Variants in MAML3 observed in about 807,000 individuals in gnomAD.
The protein encoded by MAML3 is mastermind like transcriptional coactivator 3, also known as mastermind-like protein 3.
Under a neutral mutation model 101.9 loss-of-function variants are expected in MAML3, and 27 were observed. That is an observed-to-expected ratio of 0.27 (90% confidence interval 0.20 to 0.37). The LOEUF is 0.37. Ranked by LOEUF, MAML3 falls within the 10% of genes least tolerant of loss-of-function variation. MAML3 has a pLI of 1.00. For missense variants in MAML3, 1,316 were observed against 1,444.9 expected, an observed-to-expected ratio of 0.91 and a Z score of 1.45; for synonymous variants, 501 against 555.9, an observed-to-expected ratio of 0.90 and a Z score of 1.39.
chr4:140,068,072 C>T (rs898315615), intron 1 of MAML3, among the ~76,000 whole-genome samples: 1 of 152,086 alleles, frequency 6.6e-6, no homozygotes, highest in Non-Finnish European at 1.5e-5. Flanking sequence ...ACAGAAAGGC[C>T]TTTTCTGACT....
chr4:139,995,478 G>A lies in MAML3; in HGVS notation c.469-104511C>T, dbSNP rs967887905. The stretch of plus-strand genomic sequence containing the variant: ...GAAGCCATCTGGGCCTGTGCTTTTC[G>A]GTGTGGGAAGATTTTTGAATACTAA... On this transcript the variant is annotated intron_variant, in intron 1 of 4. Transcript: ENST00000509479. Among the ~76,000 whole-genome samples, 15 of 152,116 alleles carry A rather than the reference G, an allele frequency of 9.9e-5. No homozygotes were observed. The East Asian group carries it at 1.5e-3, about 16-fold the overall frequency.
chr4:140,150,279 A>G (rs1036198198), intron 1 of MAML3, among the ~76,000 whole-genome samples: 1 of 152,176 alleles, frequency 6.6e-6, no homozygotes, highest in Non-Finnish European at 1.5e-5. Context: ...TCTATTTTCA[A>G]AAGTAAGCTG....
chr4:139,995,045 G>A (rs554249480), intron 1 of MAML3, among the ~76,000 whole-genome samples: 23 of 152,034 alleles, frequency 1.5e-4, no homozygotes, highest in Middle Eastern at 3.4e-3. Context: ...GTCCTTTATC[G>A]GGATGAGGAA....
intron 1 of MAML3, among the ~76,000 whole-genome samples, chr4:140,057,139 G>T (rs901247478): frequency 6.6e-6 from 1 of 152,202 alleles, no homozygotes; most frequent in Non-Finnish European, 1.5e-5. Flanking sequence ...AGCCAGGTGG[G>T]ATGGCATGCA....
At chr4:139,724,921 G>T (rs1343194904) in intron 4 of MAML3, among the ~76,000 whole-genome samples, 1 of 151,944 alleles carries the variant, frequency 6.6e-6, no homozygotes, top group Non-Finnish European at 1.5e-5. Flanking sequence ...ACCACTCCTG[G>T]CTAATTTTTT....
chr4:139,821,283 G>C (rs1032486537), intron 2 of MAML3, among the ~76,000 whole-genome samples: 1 of 152,212 alleles, frequency 6.6e-6, no homozygotes, highest in Non-Finnish European at 1.5e-5. Flanking sequence ...AGGTGGCACA[G>C]TAGGAGGTGA....
chr4:140,071,754 T>TGAGAGAGA (rs1328059871), intron 1 of MAML3, among the ~76,000 whole-genome samples: 1 of 66,736 alleles, frequency 1.5e-5, no homozygotes, highest in Non-Finnish European at 3.1e-5. Flanking sequence ...GGGACCAGGA[T>TGAGAGAGA]TAGAGAGAGA....
intron 1 of MAML3, among the ~76,000 whole-genome samples, chr4:140,022,426 T>G (rs879160405): frequency 6.6e-6 from 1 of 152,212 alleles, no homozygotes; most frequent in Admixed American, 6.5e-5. Flanking sequence ...GTAAGACTTC[T>G]CATTATTTGT....
rs1384096289 is a variant in MAML3 at position 139,730,398 on chromosome 4, C to T, written c.2331+18G>A. 20 of 1,546,158 alleles carry T rather than the reference C, an allele frequency of 1.3e-5. No homozygotes were observed. The highest frequency in any genetic ancestry group is 1.2e-4 in the Admixed American group (6 of 50,978). On this transcript the variant is annotated intron_variant, in intron 3 of 4. Transcript: ENST00000509479. ...GCTTGCTGAATGAATGAATGAATCA[C>T]GCCAAGGGGCATGTTACCTGTTCCG...
intron 2 of MAML3, among the ~76,000 whole-genome samples, chr4:139,816,227 G>A (rs956831308): frequency 1.3e-5 from 2 of 152,120 alleles, no homozygotes; most frequent in African/African-American, 2.4e-5. Flanking sequence ...CTGAGCGGAG[G>A]GGATGCAGAC....
At chr4:139,836,328 T>C (rs564357880) in intron 2 of MAML3, among the ~76,000 whole-genome samples, 2 of 152,032 alleles carry the variant, frequency 1.3e-5, no homozygotes, top group Non-Finnish European at 2.9e-5. Context: ...TGCCAGCTCA[T>C]CAGTAAATGA....
At position 139,725,763 on chromosome 4, in the gene MAML3, T is replaced by C; in HGVS notation, c.2404A>G (p.Asn802Asp). The C allele has an allele frequency of 6.2e-7, 1 of 1,613,966 alleles. No individual in the cohort carries two copies. The highest frequency in any genetic ancestry group is 8.5e-7 in the Non-Finnish European group (1 of 1,179,872). The part of the protein sequence containing the change: ...QRNPYPVQQV[N>D]QFQGSPQDIA... ...GCACTGGCCTCACCTTGAAACTGAT[T>C]GACCTGCTGCACTGGGTATGGATTC... Residue 802 changes from asparagine (N) to aspartate (D), a missense_variant, in exon 4 of 5, where the codon AAT becomes GAT. Asn to Asp is a conservative substitution (Grantham distance 23, BLOSUM62 1). Coordinates refer to ENST00000509479, the MANE Select transcript of MAML3 (RefSeq NM_018717.5).
chr4:139,997,840 GCTGA>G (rs1364074528), intron 1 of MAML3, among the ~76,000 whole-genome samples: 2 of 151,904 alleles, frequency 1.3e-5, no homozygotes, highest in Non-Finnish European at 2.9e-5. Context: ...AGAACTCTTA[GCTGA>G]TATCTTTTTC....
chr4:140,140,322 T>G (rs1053517364), intron 1 of MAML3, among the ~76,000 whole-genome samples: 7 of 151,540 alleles, frequency 4.6e-5, no homozygotes, highest in Non-Finnish European at 1.0e-4. Flanking sequence ...AGATTCCGTC[T>G]CAAAAAATAA....
chr4:139,913,321 A>AT lies in MAML3; in HGVS notation c.469-22355dup, dbSNP rs897469615. On this transcript the variant is annotated intron_variant, in intron 1 of 4. Transcript: ENST00000509479. ...TTTATTTCACCTAATTTGTCCCCTA[A>AT]TTTTTTTTTATGGATTATAATCCTA... Among the ~76,000 whole-genome samples, 40 of 151,626 alleles carry AT rather than the reference A, an allele frequency of 2.6e-4. No homozygotes were observed. In the East Asian group the frequency reaches 5.0e-3, roughly 19 times the overall value.
intron 2 of MAML3, among the ~76,000 whole-genome samples, chr4:139,834,158 G>A (rs1035677278): frequency 1.3e-5 from 2 of 152,178 alleles, no homozygotes; most frequent in Non-Finnish European, 2.9e-5. Context: ...ATCCAGCGTG[G>A]GTTTTAATAG....
At chr4:140,121,615 C>A (rs533128396) in intron 1 of MAML3, among the ~76,000 whole-genome samples, 1 of 152,202 alleles carries the variant, frequency 6.6e-6, no homozygotes, top group Non-Finnish European at 1.5e-5. Flanking sequence ...TACAGACATA[C>A]TTTGTTAACT....
intron 1 of MAML3, among the ~76,000 whole-genome samples, chr4:140,116,458 A>G (rs956650951): frequency 6.6e-6 from 1 of 152,228 alleles, no homozygotes; most frequent in African/African-American, 2.4e-5. Flanking sequence ...CCAGAAACCA[A>G]GACGGTGTCT....
At chr4:139,861,477 A>ATGTATGTGTG (rs1731784547) in intron 2 of MAML3, among the ~76,000 whole-genome samples, 2 of 146,394 alleles carry the variant, frequency 1.4e-5, no homozygotes, top group South Asian at 4.5e-4. Context: ...TAACCAGCCG[A>ATGTATGTGTG]TGTGTGTGTG....
Sources: gnomAD v4.1 joint callset for allele counts (sites outside exome capture counted in the v4.1 genomes callset) on GRCh38, gnomAD v4.1.1 for gene constraint, MANE v1.5 for transcripts, NCBI Gene and HGNC (gene_info 2026-07-23, HGNC 2026-07-21) for gene names.